JUP: variants seen among roughly 807,000 people sequenced by gnomAD.
The protein encoded by JUP is junction plakoglobin.
Under a neutral mutation model 71.1 loss-of-function variants are expected in JUP, and 28 were observed. That is an observed-to-expected ratio of 0.39 (90% confidence interval 0.29 to 0.54). JUP has a LOEUF of 0.54. Ranked by LOEUF, JUP falls within the 20% of genes least tolerant of loss-of-function variation. The pLI, the probability that JUP is intolerant of heterozygous loss-of-function variation, is 0.62. For missense variants in JUP, 869 were observed against 1,030.1 expected (o/e 0.84, Z 2.14); for synonymous variants, 401 against 438.9 (o/e 0.91, Z 1.08).
intron 8 of JUP, among the ~76,000 whole-genome samples, chr17:41,762,608 C>T (rs1199481370): frequency 6.6e-5 from 10 of 152,082 alleles, no homozygotes; most frequent in Non-Finnish European, 4.4e-5. Flanking sequence ...GCTATGTTGT[C>T]CAGGCTGGTC....
Position 41,758,459 on chromosome 17 carries a change from G to C in JUP, c.1713C>G (p.Ala571=), listed in dbSNP as rs138446862. ...EGCTGALHIL[A]RDPMNRMEIF... Reference sequence around the variant, plus strand: ...TCTCCATGCGGTTCATGGGGTCCCGGGCGAGGATGTGCAGTGCTCCGGTGC... The same window carrying C: ...TCTCCATGCGGTTCATGGGGTCCCGCGCGAGGATGTGCAGTGCTCCGGTGC... The change falls in exon 10 of 14, where the codon GCC becomes GCG. Residue 571 remains alanine, a synonymous_variant. Coordinates refer to ENST00000393931, the MANE Select transcript of JUP (RefSeq NM_002230.4). 7.7e-5 allele frequency: 125 copies of C among 1,613,960 alleles called. No homozygotes were observed. The highest frequency in any genetic ancestry group is 1.0e-4 in the Non-Finnish European group (120 of 1,180,034).
At chr17:41,772,060 C>T in intron 1 of JUP, 198 bp from the exon 2 acceptor site, 1 of 663,446 alleles carries the variant, frequency 1.5e-6, no homozygotes, top group Non-Finnish European at 2.7e-6. Flanking sequence ...ACGAGATACC[C>T]TGGGAGCAGT....
At chr17:41,756,055 G>T in intron 13 of JUP, 120 bp downstream of exon 13, 1 of 1,333,240 alleles carries the variant, frequency 7.5e-7, no homozygotes, top group South Asian at 1.2e-5. Context: ...GGTACATGTG[G>T]ATGCCACACA....
Position 41,771,638 on chromosome 17 carries a change from G to A in JUP, c.208+9C>T. 3.1e-6 allele frequency: 5 copies of A among 1,611,994 alleles called. No individual in the cohort carries two copies. The highest frequency in any genetic ancestry group is 4.2e-6 in the Non-Finnish European group (5 of 1,179,482). ...TCTGCCCCATGCAATAGTCCCCAGG[G>A]GTCCTGACCTTGGCTGGGGGGCACC... On this transcript the variant is annotated intron_variant, in intron 2 of 13. Transcript: ENST00000393931.
Position 41,767,595 on chromosome 17 carries a change from A to AT in JUP, c.708-16_708-15insA. The AT allele has an allele frequency of 1.2e-5, 11 of 939,082 alleles. No individual in the cohort carries two copies. Among genetic ancestry groups the AT allele is most frequent in the Non-Finnish European group, 1.8e-5 (11 of 602,370 alleles). The allele number at this position is 939,082 out of a possible 1,614,324, so 58.2% of individuals were successfully genotyped here. ...CCACAGGGGAGCTGGGGGGGTGGGC[A>AT]GGGGTTAGTACGCTGAGGTCCCAGA... On this transcript the variant is annotated splice_polypyrimidine_tract_variant and intron_variant, in intron 4 of 13. Transcript: ENST00000393931.
intron 2 of JUP, among the ~76,000 whole-genome samples, chr17:41,770,281 G>A (rs1916444599): frequency 6.6e-6 from 1 of 152,276 alleles, no homozygotes; most frequent in Middle Eastern, 3.4e-3. Flanking sequence ...GGTTCAGAGA[G>A]CAGGAGCTGG....
chr17:41,765,088 A>T (rs373416845), intron 5 of JUP, 21 bp from the exon 6 acceptor site: 1 of 1,611,726 alleles, frequency 6.2e-7, no homozygotes, highest in Non-Finnish European at 8.5e-7. Context: ...AGAGGGAATG[A>T]GTGTGAGATG....
chr17:41,777,769 T>C (rs2046955362), intron 1 of JUP, among the ~76,000 whole-genome samples: 1 of 152,240 alleles, frequency 6.6e-6, no homozygotes, highest in Non-Finnish European at 1.5e-5. Context: ...TCTGGGCTCC[T>C]TCCCAAAGCA....
rs147159111 is a variant in JUP at position 41,769,628 on chromosome 17, C to T, written c.258G>A (p.Arg86=). 2.7e-5 allele frequency: 44 copies of T among 1,606,218 alleles called. No individual in the cohort carries two copies. In the African/African-American group the frequency reaches 4.8e-4, roughly 18 times the overall value. Residue 86 remains arginine, a synonymous_variant, in exon 3 of 14, where the codon CGG becomes CGA. Coordinates refer to ENST00000393931, the MANE Select transcript of JUP (RefSeq NM_002230.4). ...MSTTARAKRV[R]EAMCPGVSGE... The stretch of plus-strand genomic sequence containing the variant: ...CTGACACACCAGGGCACATGGCCTC[C>T]CGCACCCGTTTGGCCCTGGCTGTTG...
At chr17:41,780,885 A>C (rs1264648237) in intron 1 of JUP, among the ~76,000 whole-genome samples, 4 of 151,860 alleles carry the variant, frequency 2.6e-5, no homozygotes, top group African/African-American at 9.7e-5. Flanking sequence ...TCTCTACTAA[A>C]AATACAAAAA....
intron 10 of JUP, 36 bp downstream of exon 10, chr17:41,758,363 G>A (rs782311134): frequency 1.2e-6 from 2 of 1,610,954 alleles, no homozygotes; most frequent in Non-Finnish European, 1.7e-6. Flanking sequence ...AAGCAGTGGT[G>A]GGGGGACCTC....
At chr17:41,783,833 C>T (rs1290254628) in intron 1 of JUP, among the ~76,000 whole-genome samples, 3 of 138,152 alleles carry the variant, frequency 2.2e-5, no homozygotes, top group African/African-American at 5.6e-5. Context: ...GCAGGAGAAT[C>T]ACTTGAACCC....
At chr17:41,765,265 G>C (rs1915526857) in intron 5 of JUP, among the ~76,000 whole-genome samples, 198 bp from the exon 6 acceptor site, 1 of 152,056 alleles carries the variant, frequency 6.6e-6, no homozygotes, top group Admixed American at 6.6e-5. Context: ...AGAACTCCTG[G>C]CCTCAAGTGA....
intron 8 of JUP, among the ~76,000 whole-genome samples, chr17:41,760,537 C>T (rs1245561225): frequency 1.3e-5 from 2 of 151,770 alleles, no homozygotes; most frequent in Non-Finnish European, 2.9e-5. Flanking sequence ...GGATTACAGG[C>T]GTGAGCCACC....
chr17:41,766,136 T>G (rs534778114), intron 5 of JUP, among the ~76,000 whole-genome samples: 2 of 152,194 alleles, frequency 1.3e-5, no homozygotes, highest in East Asian at 3.9e-4. Flanking sequence ...CTCATAGTCC[T>G]AGCTATCAGG....
intron 1 of JUP, chr17:41,773,034 C>T: frequency 2.0e-6 from 2 of 976,016 alleles, no homozygotes; most frequent in Non-Finnish European, 2.4e-6. Flanking sequence ...GCACTGGTCC[C>T]CCGCGTACAG....
intron 1 of JUP, 136 bp from the exon 2 acceptor site, chr17:41,771,998 G>T: frequency 1.2e-6 from 1 of 850,600 alleles, no homozygotes; most frequent in Non-Finnish European, 1.9e-6. Context: ...TGCAGGCTGG[G>T]GATGGGGGGA....
chr17:41,767,613 G>T (rs369706296), intron 4 of JUP, 33 bp from the exon 5 acceptor site: 18 of 1,565,928 alleles, frequency 1.1e-5, no homozygotes, highest in Admixed American at 1.7e-5. Flanking sequence ...GTACGCTGAG[G>T]TCCCAGAGGC....
chr17:41,760,432 A>AT (rs1332460800), intron 8 of JUP, among the ~76,000 whole-genome samples: 5 of 149,328 alleles, frequency 3.3e-5, no homozygotes, highest in Admixed American at 6.7e-5. Context: ...ATTTCTTTGT[A>AT]TTTTTTTAGT....
Sources: gnomAD v4.1 joint callset for allele counts (sites outside exome capture counted in the v4.1 genomes callset) on GRCh38, gnomAD v4.1.1 for gene constraint, MANE v1.5 for transcripts, NCBI Gene and HGNC (gene_info 2026-07-23, HGNC 2026-07-21) for gene names.